Variants in UVRAG observed in about 807,000 individuals in gnomAD.
The protein encoded by UVRAG is UV radiation resistance associated.
In UVRAG, 19 loss-of-function variants were observed where a neutral mutation model predicts 78.0. The ratio of observed to expected loss-of-function variants is 0.24; its 90% CI spans 0.17 to 0.36. The LOEUF (loss-of-function observed/expected upper bound fraction) is 0.36, where lower values mean the gene tolerates loss of function less well. UVRAG is among the 10% of genes least tolerant of loss of function. The pLI is 1.00. For synonymous variants in UVRAG, 323 were observed against 324.6 expected (o/e 1.00, Z 0.05); for missense variants, 740 against 853.8 (o/e 0.87, Z 1.66).
intron 3 of UVRAG, among the ~76,000 whole-genome samples, chr11:75,869,006 T>C (rs1946591770): frequency 6.6e-6 from 1 of 152,214 alleles, no homozygotes; most frequent in East Asian, 1.9e-4. Flanking sequence ...GTTGGACATG[T>C]CATATACATT....
intron 6 of UVRAG, among the ~76,000 whole-genome samples, chr11:75,935,310 G>A (rs1018181562): frequency 1.5e-4 from 23 of 152,206 alleles, no homozygotes; most frequent in Non-Finnish European, 4.4e-5. Flanking sequence ...TCCAAGGTCA[G>A]TGGAATTGTA....
intron 7 of UVRAG, among the ~76,000 whole-genome samples, chr11:75,970,494 A>C (rs995782700): frequency 2.6e-5 from 4 of 152,166 alleles, no homozygotes; most frequent in Non-Finnish European, 5.9e-5. Flanking sequence ...GCACTTTGGG[A>C]GGCCGAGGCA....
chr11:75,823,966 G>A (rs895356932), intron 1 of UVRAG, among the ~76,000 whole-genome samples: 1 of 152,104 alleles, frequency 6.6e-6, no homozygotes, highest in Non-Finnish European at 1.5e-5. Context: ...TCTAAAGCTT[G>A]ATTTTGCTGT....
At chr11:75,951,786 C>T (rs1476789336) in intron 6 of UVRAG, among the ~76,000 whole-genome samples, 1 of 152,102 alleles carries the variant, frequency 6.6e-6, no homozygotes, top group Non-Finnish European at 1.5e-5. Flanking sequence ...TGTAAGCCCT[C>T]CAGCTATTTC....
chr11:75,816,435 T>G (rs1003590539), intron 1 of UVRAG, among the ~76,000 whole-genome samples: 48 of 152,362 alleles, frequency 3.2e-4, no homozygotes, highest in African/African-American at 1.1e-3. Flanking sequence ...ACCCTCTCCC[T>G]TTATTCCTCC....
intron 1 of UVRAG, among the ~76,000 whole-genome samples, chr11:75,848,815 C>T (rs1946089833): frequency 6.6e-6 from 1 of 152,166 alleles, no homozygotes; most frequent in African/African-American, 2.4e-5. Flanking sequence ...TTTCTTTCTG[C>T]ATTCTTTCCT....
At chr11:75,824,380 C>T (rs1330024559) in intron 1 of UVRAG, among the ~76,000 whole-genome samples, 1 of 149,434 alleles carries the variant, frequency 6.7e-6, no homozygotes, top group Middle Eastern at 3.4e-3. Context: ...TTCTCTTTTT[C>T]CTGTGAAAAT....
At chr11:76,121,144 A>G (rs893964781) in intron 14 of UVRAG, among the ~76,000 whole-genome samples, 1 of 152,224 alleles carries the variant, frequency 6.6e-6, no homozygotes, top group Non-Finnish European at 1.5e-5. Flanking sequence ...AATCCTCTTA[A>G]TAAAGTAATT....
intron 12 of UVRAG, 64 bp from the exon 13 acceptor site, chr11:76,065,646 G>C: frequency 2.7e-6 from 4 of 1,477,160 alleles, no homozygotes; most frequent in Non-Finnish European, 3.8e-6. Context: ...AGCCTCTGTT[G>C]ACAACTTGGA....
chr11:75,838,317 AT>A (rs1945829850), intron 1 of UVRAG, among the ~76,000 whole-genome samples: 1 of 151,952 alleles, frequency 6.6e-6, no homozygotes, highest in Middle Eastern at 3.2e-3. Flanking sequence ...TGCATTTGTA[AT>A]TTTTTTAAAT....
At position 75,983,575 on chromosome 11, in the gene UVRAG, C is replaced by T. The variant is rs564005947; in HGVS notation, c.826+62C>T. On this transcript the variant is annotated intron_variant, in intron 8 of 14. Transcript: ENST00000356136. ...CATTCAGTAGTTCTCCTTTCTTCTT[C>T]TTCACAAGCTCAAATAGTCATTTTT... 4.6e-5 allele frequency: 69 copies of T among 1,485,404 alleles called. 1 individual carries two copies. The East Asian group carries it at 1.4e-3, about 30-fold the overall frequency. The allele number at this position is 1,485,404 out of a possible 1,614,324, so 92.0% of individuals were successfully genotyped here.
At chr11:76,102,617 T>C (rs1417256214) in intron 13 of UVRAG, among the ~76,000 whole-genome samples, 2 of 151,920 alleles carry the variant, frequency 1.3e-5, no homozygotes, top group African/African-American at 4.8e-5. Flanking sequence ...CAAATAGGAG[T>C]GGTGAGAGAG....
intron 12 of UVRAG, among the ~76,000 whole-genome samples, chr11:76,043,414 G>T (rs916483151): frequency 6.6e-6 from 1 of 152,088 alleles, no homozygotes; most frequent in Non-Finnish European, 1.5e-5. Flanking sequence ...CTGTGTATAA[G>T]CTACTGTGAC....
chr11:76,133,784 CAG>C (rs1462188615), intron 14 of UVRAG, among the ~76,000 whole-genome samples: 1 of 151,968 alleles, frequency 6.6e-6, no homozygotes, highest in African/African-American at 2.4e-5. Flanking sequence ...ATCATGAAAA[CAG>C]AGGAATTTTG....
intron 6 of UVRAG, among the ~76,000 whole-genome samples, chr11:75,944,238 C>T (rs1440572772): frequency 6.6e-6 from 1 of 152,162 alleles, no homozygotes; most frequent in Non-Finnish European, 1.5e-5. Context: ...CATATTGGAG[C>T]TTAAATGCTG....
intron 14 of UVRAG, among the ~76,000 whole-genome samples, chr11:76,135,298 G>T (rs1952580795): frequency 6.6e-6 from 1 of 152,162 alleles, no homozygotes; most frequent in African/African-American, 2.4e-5. Flanking sequence ...ACTGTCTCTA[G>T]AGCTGAAGAG....
At chr11:75,951,829 T>G (rs1217530776) in intron 6 of UVRAG, among the ~76,000 whole-genome samples, 1 of 152,212 alleles carries the variant, frequency 6.6e-6, no homozygotes, top group Non-Finnish European at 1.5e-5. Context: ...GTTCTAGGTC[T>G]TTTGTATTTG....
intron 3 of UVRAG, among the ~76,000 whole-genome samples, chr11:75,869,524 A>G (rs1946604666): frequency 6.6e-6 from 1 of 152,210 alleles, no homozygotes; most frequent in African/African-American, 2.4e-5. Context: ...ATCATCTTCA[A>G]GGTTTTCCAA....
At chr11:75,828,802 TA>T (rs1166941810) in intron 1 of UVRAG, among the ~76,000 whole-genome samples, 4,639 of 71,072 alleles carry the variant, frequency 0.065, 273 homozygotes, top group African/African-American at 0.15. Context: ...TATATATATA[TA>T]TATTTTTTTT....
Sources: allele counts gnomAD v4.1 joint callset (sites outside exome capture counted in the v4.1 genomes callset), GRCh38; gene constraint gnomAD v4.1.1; transcripts MANE v1.5; gene names NCBI Gene and HGNC (gene_info 2026-07-23, HGNC 2026-07-21).